The following VIT variants were observed in gnomAD, a reference collection of about 807,000 sequenced individuals.
The protein encoded by VIT is vitrin.
VIT carries 99 observed loss-of-function variants against 78.0 expected under a neutral mutation model. That is an observed-to-expected ratio of 1.27 (90% CI 1.08 to 1.50). The LOEUF (loss-of-function observed/expected upper bound fraction) is 1.50. VIT is among the 40% of genes most tolerant of loss of function. The pLI is 0.00. For missense variants in VIT, 1,126 were observed against 875.3 expected (o/e 1.29, Z -3.61); for synonymous variants, 374 against 334.3 (o/e 1.12, Z -1.29).
At chr2:36,721,961 T>C (rs1666541220) in intron 2 of VIT, among the ~76,000 whole-genome samples, 1 of 152,248 alleles carries the variant, frequency 6.6e-6, no homozygotes, top group African/African-American at 2.4e-5. Flanking sequence ...GGGAGCTGTG[T>C]CGTGCTCAGT....
chr2:36,779,755 TGA>T (rs1664614577), intron 9 of VIT, among the ~76,000 whole-genome samples: 1 of 152,226 alleles, frequency 6.6e-6, no homozygotes, highest in Non-Finnish European at 1.5e-5. Flanking sequence ...ACTGTATCTA[TGA>T]GATGACCAAG....
At position 36,758,165 on chromosome 2, in the gene VIT, A is replaced by G. The variant is rs1668881351; in HGVS notation, c.410-804A>G. ...GGTATTTTAATTTTAACAGAGATCT[A>G]AGCTTTAAGATATTCCCCCACTGAA... On this transcript the variant is annotated intron_variant, in intron 5 of 15. Transcript: ENST00000379242. Among the ~76,000 whole-genome samples the G allele has an allele frequency of 2.0e-5, 3 of 152,248 alleles. No individual in the cohort carries two copies. In the South Asian group the frequency reaches 6.2e-4, roughly 31 times the overall value.
Position 36,787,265 on chromosome 2 carries a change from T to G in VIT, c.1047T>G (p.Val349=). The part of the protein sequence containing the change: ...DIGPAGPLMG[V]VQYGDNPATH... ...GCCCTGCCGGTCCACTGATGGGTGT[T>G]GTCCAGTATGGGTAAGTGCAGTTAA... Residue 349 remains valine (V), a synonymous_variant, in exon 12 of 16, where the codon GTT becomes GTG. Coordinates refer to ENST00000379242, the MANE Select transcript of VIT (RefSeq NM_053276.4). 6.2e-7 allele frequency: 1 copy of G among 1,614,136 alleles called. No individual in the cohort carries two copies. Among genetic ancestry groups the G allele is most frequent in the Non-Finnish European group, 8.5e-7 (1 of 1,179,988 alleles).
chr2:36,708,060 G>C (rs1176689148), intron 1 of VIT, among the ~76,000 whole-genome samples: 1 of 151,900 alleles, frequency 6.6e-6, no homozygotes, highest in Admixed American at 6.6e-5. Flanking sequence ...GAATACATCT[G>C]TATGAAGGTT....
intron 7 of VIT, among the ~76,000 whole-genome samples, chr2:36,771,933 C>A (rs1669783638): frequency 6.6e-6 from 1 of 152,268 alleles, no homozygotes; most frequent in Admixed American, 6.5e-5. Context: ...CTCATTTTTG[C>A]AACGTGTGTT....
intron 1 of VIT, among the ~76,000 whole-genome samples, chr2:36,699,809 A>G (rs1041855865): frequency 8.5e-5 from 13 of 152,202 alleles, no homozygotes; most frequent in Non-Finnish European, 1.9e-4. Context: ...TTAAAGCCTT[A>G]CATGCGAGGT....
chr2:36,791,205 G>C (rs1665477675), intron 12 of VIT, among the ~76,000 whole-genome samples: 1 of 152,156 alleles, frequency 6.6e-6, no homozygotes, highest in Non-Finnish European at 1.5e-5. Context: ...CTGTGGTTTA[G>C]TGAGTGGCTC....
intron 15 of VIT, among the ~76,000 whole-genome samples, chr2:36,812,498 C>T (rs1667245716): frequency 6.6e-6 from 1 of 152,000 alleles, no homozygotes; most frequent in Admixed American, 6.5e-5. Flanking sequence ...GGGCAGTCTC[C>T]CAGTTTTCCC....
chr2:36,787,010 T>G (rs1185090769), intron 11 of VIT, 119 bp from the exon 12 acceptor site: 5 of 1,305,354 alleles, frequency 3.8e-6, no homozygotes, highest in Non-Finnish European at 5.3e-6. Flanking sequence ...TCTTCCTACC[T>G]CTTTTTCCCT....
intron 4 of VIT, among the ~76,000 whole-genome samples, chr2:36,751,387 C>T (rs1046300148): frequency 1.3e-5 from 2 of 152,182 alleles, no homozygotes; most frequent in South Asian, 4.1e-4. Flanking sequence ...CAGAGTGAGA[C>T]CCTATCTCAG....
intron 1 of VIT, among the ~76,000 whole-genome samples, chr2:36,713,326 T>C (rs993840766): frequency 1.3e-5 from 2 of 152,130 alleles, no homozygotes; most frequent in African/African-American, 4.8e-5. Context: ...AGGTAAAAGG[T>C]GTTCCAGAAA....
chr2:36,803,645 G>A (rs1002949927), intron 13 of VIT, among the ~76,000 whole-genome samples: 7 of 152,182 alleles, frequency 4.6e-5, no homozygotes, highest in Admixed American at 3.3e-4. Context: ...GTTCACATGG[G>A]TTTTCCAAGA....
At chr2:36,799,622 G>A (rs1338189771) in intron 12 of VIT, among the ~76,000 whole-genome samples, 3 of 151,958 alleles carry the variant, frequency 2.0e-5, no homozygotes, top group Non-Finnish European at 4.4e-5. Context: ...GGAGGCTGAG[G>A]TGGGAGGATG....
chr2:36,743,665 T>A (rs1362193638), intron 4 of VIT, among the ~76,000 whole-genome samples: 1 of 152,214 alleles, frequency 6.6e-6, no homozygotes, highest in East Asian at 1.9e-4. Context: ...AGAGCTTAAA[T>A]AGTTCATCAA....
Position 36,814,567 on chromosome 2 carries a change from C to A in VIT, c.*206C>A. The A allele has an allele frequency of 1.7e-6, 1 of 586,994 alleles. No individual in the cohort carries two copies. The highest frequency in any genetic ancestry group is 2.9e-5 in the South Asian group (1 of 34,714). 36.4% of individuals were successfully genotyped at this position (586,994 alleles called of 1,614,324 possible). On this transcript the variant is annotated 3_prime_UTR_variant, in exon 16 of 16. Transcript: ENST00000379242. ...ATGATCACAAACGTATAGAATGAGC[C>A]AAAAGGCTACATCATGTTGAGGGTG...
At chr2:36,800,306 C>G (rs1666228420) in intron 12 of VIT, among the ~76,000 whole-genome samples, 1 of 152,146 alleles carries the variant, frequency 6.6e-6, no homozygotes, top group Non-Finnish European at 1.5e-5. Context: ...GATCGCGCCA[C>G]TGCACTCCAG....
chr2:36,814,093 G>T (rs1441009479), intron 15 of VIT, 90 bp from the exon 16 acceptor site: 11 of 1,479,224 alleles, frequency 7.4e-6, no homozygotes, highest in African/African-American at 2.8e-5. Context: ...TTTTGGATTT[G>T]GCTGTGCCAA....
At chr2:36,727,001 C>T (rs1157538668) in intron 2 of VIT, among the ~76,000 whole-genome samples, 1 of 152,012 alleles carries the variant, frequency 6.6e-6, no homozygotes, top group Non-Finnish European at 1.5e-5. Context: ...AGAATTCTCC[C>T]TTCTTCACCT....
chr2:36,805,290 C>G, intron 13 of VIT, 148 bp from the exon 14 acceptor site: 1 of 865,348 alleles, frequency 1.2e-6, no homozygotes, highest in South Asian at 2.1e-5. Flanking sequence ...GGCAACAGAG[C>G]AAGACCCTGT....
Sources: allele counts gnomAD v4.1 joint callset (sites outside exome capture counted in the v4.1 genomes callset), GRCh38; gene constraint gnomAD v4.1.1; transcripts MANE v1.5; gene names NCBI Gene and HGNC (gene_info 2026-07-23, HGNC 2026-07-21).